RBM28: variants seen among roughly 807,000 people sequenced by gnomAD.
RBM28 encodes RNA-binding protein 28.
Under a neutral mutation model 98.3 loss-of-function variants are expected in RBM28, and 78 were observed. The ratio of observed to expected loss-of-function variants is 0.79; its 90% CI spans 0.66 to 0.96. The LOEUF (loss-of-function observed/expected upper bound fraction) is 0.96, where lower values mean the gene tolerates loss of function less well. Ranked by LOEUF, RBM28 falls within the 40% of genes least tolerant of loss-of-function variation. The pLI is 0.00. For synonymous variants in RBM28, 306 were observed against 330.9 expected, an observed-to-expected ratio of 0.92 and a Z score of 0.82; for missense variants, 838 against 913.0, an observed-to-expected ratio of 0.92 and a Z score of 1.06.
At chr7:128,330,415 T>TCTG (rs888672386) in intron 10 of RBM28, among the ~76,000 whole-genome samples, 1 of 139,472 alleles carries the variant, frequency 7.2e-6, no homozygotes, top group African/African-American at 2.7e-5. Flanking sequence ...AGAGTCTTGC[T>TCTG]CTGTGGCTCA....
chr7:128,323,644 C>G, intron 12 of RBM28, 53 bp from the exon 13 acceptor site: 1 of 1,589,462 alleles, frequency 6.3e-7, no homozygotes, highest in Non-Finnish European at 8.6e-7. Context: ...TTTCACTGAG[C>G]AACAAGAGGA....
At chr7:128,317,614 G>C in intron 16 of RBM28, 45 bp downstream of exon 16, 1 of 1,403,038 alleles carries the variant, frequency 7.1e-7, no homozygotes, top group Non-Finnish European at 1.0e-6. Flanking sequence ...GAACAAAATA[G>C]AAGAGTTTAT....
At chr7:128,332,068 C>A (rs1042234829) in intron 9 of RBM28, among the ~76,000 whole-genome samples, 1 of 152,168 alleles carries the variant, frequency 6.6e-6, no homozygotes, top group Admixed American at 6.5e-5. Context: ...CAGGCTTCTT[C>A]TTCACTGTGA....
At position 128,310,752 on chromosome 7, in the gene RBM28, C is replaced by T; in HGVS notation, c.*45G>A. The T allele has an allele frequency of 6.2e-7, 1 of 1,611,340 alleles. No individual in the cohort carries two copies. Among genetic ancestry groups the T allele is most frequent in the Non-Finnish European group, 8.5e-7 (1 of 1,179,290 alleles). The stretch of plus-strand genomic sequence containing the variant: ...GATGGGGAGGAGCCCAGGAGTGTCA[C>T]CAGAAAGTACACAACCCAGCTTCTT... On this transcript the variant is annotated 3_prime_UTR_variant, in exon 19 of 19. Transcript: ENST00000223073.
chr7:128,312,672 G>A (rs945946167), intron 18 of RBM28, among the ~76,000 whole-genome samples: 3 of 152,210 alleles, frequency 2.0e-5, no homozygotes, highest in African/African-American at 4.8e-5. Flanking sequence ...TTTGGATCCC[G>A]ACTCATACTA....
Position 128,321,355 on chromosome 7 carries a change from G to A in RBM28, c.1474C>T (p.His492Tyr). 6.2e-7 allele frequency: 1 copy of A among 1,614,210 alleles called. No homozygotes were observed. The highest frequency in any genetic ancestry group is 8.5e-7 in the Non-Finnish European group (1 of 1,180,032). Residue 492 changes from histidine to tyrosine, a missense_variant, in exon 14 of 19, where the codon CAC (histidine) becomes TAC (tyrosine). Coordinates refer to ENST00000223073, the MANE Select transcript of RBM28 (RefSeq NM_018077.3). Reference sequence around the variant, plus strand: ...TCATCTACAGCCTTTGGGAGATTGTGCAGGCAGAGCCTGGTTCGGGAGACA... The same window carrying A: ...TCATCTACAGCCTTTGGGAGATTGTACAGGCAGAGCCTGGTTCGGGAGACA... Reference protein sequence around the residue: ...IFVSRTRLCLHNLPKAVDDKQ... With the variant: ...IFVSRTRLCLYNLPKAVDDKQ...
chr7:128,322,649 A>G (rs1327729196), intron 13 of RBM28, among the ~76,000 whole-genome samples: 1 of 152,230 alleles, frequency 6.6e-6, no homozygotes, highest in Non-Finnish European at 1.5e-5. Flanking sequence ...AATTAGTTTT[A>G]AATTAAATAT....
rs1375874817 is a variant in RBM28, at chr7:128,324,636, T to TC, written c.1261dup (p.Asp421GlyfsTer2). On this transcript the variant is annotated frameshift_variant, in exon 12 of 19. Transcript: ENST00000223073. LOFTEE classifies it high-confidence loss of function. The stretch of plus-strand genomic sequence containing the variant: ...CGTCGTCTGAAGCTTTGCAGCCTCA[T>TC]CACGGGTCACCGCCAAGTCAACCTT... The TC allele has an allele frequency of 1.2e-6, 2 of 1,614,180 alleles. No individual in the cohort carries two copies. Among genetic ancestry groups the TC allele is most frequent in the Non-Finnish European group, 1.7e-6 (2 of 1,180,040 alleles).
At chr7:128,333,633 C>T (rs938361545) in intron 8 of RBM28, among the ~76,000 whole-genome samples, 2 of 152,006 alleles carry the variant, frequency 1.3e-5, no homozygotes, top group Non-Finnish European at 2.9e-5. Flanking sequence ...CAGGAGAATC[C>T]CTTGAACCTG....
In RBM28 at chr7:128,335,663, C is replaced by A; in HGVS notation, c.826G>T (p.Ala276Ser). 6.2e-7 allele frequency: 1 copy of A among 1,614,180 alleles called. No individual in the cohort carries two copies. The highest frequency in any genetic ancestry group is 8.5e-7 in the Non-Finnish European group (1 of 1,180,036). The change falls in exon 8 of 19, where the codon GCC becomes TCC. Residue 276 changes from alanine (A) to serine (S), a missense_variant. Coordinates refer to ENST00000223073, the MANE Select transcript of RBM28 (RefSeq NM_018077.3). ...QIQKRAVKRP[A>S]PAKSSDHSEE... ...GAATGATCACTGCTTTTTGCAGGGG[C>A]TGGTCTCTTGACTGCTCTGCAATGG... is the stretch of plus-strand genomic sequence containing the variant.
intron 6 of RBM28, 127 bp downstream of exon 6, chr7:128,337,004 G>A (rs767894723): frequency 6.0e-6 from 6 of 1,004,144 alleles, no homozygotes; most frequent in Non-Finnish European, 9.4e-6. Flanking sequence ...CAAAGTGCTG[G>A]AATTACAGGC....
Position 128,314,875 on chromosome 7 carries a change from G to A in RBM28, c.1934C>T (p.Thr645Ile). The A allele has an allele frequency of 1.2e-6, 2 of 1,614,144 alleles. No homozygotes were observed. Among genetic ancestry groups the A allele is most frequent in the East Asian group, 2.2e-5 (1 of 44,884 alleles). ...PPEQKRKAGS[T>I]SWTGFQTKAE... ...CTTGGTCTGGAACCCGGTCCATGAG[G>A]TAGAGCCCGCCTTTCTCTTCTGCTC... Residue 645 changes from threonine to isoleucine, a missense_variant, in exon 17 of 19, where the codon ACC (threonine) becomes ATC (isoleucine). Thr to Ile is a moderately conservative substitution (Grantham distance 89). Transcript: ENST00000223073.
chr7:128,340,031 T>C (rs541489258), intron 1 of RBM28, among the ~76,000 whole-genome samples: 2 of 152,300 alleles, frequency 1.3e-5, no homozygotes, highest in African/African-American at 2.4e-5. Context: ...TTAGTGTCTT[T>C]GCTGTTAGCT....
chr7:128,339,206 T>C (rs982158598), intron 3 of RBM28, 21 bp downstream of exon 3: 1 of 1,569,472 alleles, frequency 6.4e-7, no homozygotes, highest in Admixed American at 1.7e-5. Context: ...ACATGCAATG[T>C]TCATTTTCTC....
chr7:128,324,531 G>T, intron 12 of RBM28, 28 bp downstream of exon 12: 1 of 1,614,122 alleles, frequency 6.2e-7, no homozygotes, highest in South Asian at 1.1e-5. Context: ...CAGGTACTTA[G>T]AAGTGTGGGT....
At chr7:128,341,449 T>C (rs534402475) in intron 1 of RBM28, among the ~76,000 whole-genome samples, 1 of 152,360 alleles carries the variant, frequency 6.6e-6, no homozygotes, top group South Asian at 2.1e-4. Flanking sequence ...CACATACATT[T>C]AGAGTCCCTG....
Position 128,326,686 on chromosome 7 carries a change from CATT to C in RBM28, c.1130-798_1130-796del, listed in dbSNP as rs907042743. ...TGAACTTTGCAGAATGTATCCCCAT[CATT>C]AAGTGACGCATATTGCACTATGACA... On this transcript the variant is annotated intron_variant, in intron 10 of 18. Coordinates refer to ENST00000223073, the MANE Select transcript of RBM28 (RefSeq NM_018077.3). Among the ~76,000 whole-genome samples the C allele has an allele frequency of 3.3e-5, 5 of 152,298 alleles. 1 individual carries two copies. Among genetic ancestry groups the C allele is most frequent in the African/African-American group, 9.6e-5 (4 of 41,566 alleles).
Position 128,323,445 on chromosome 7 carries a change from G to A in RBM28, c.1404+82C>T, listed in dbSNP as rs113268614. On this transcript the variant is annotated intron_variant, in intron 13 of 18. Transcript: ENST00000223073. ...CTGTGACCATACTGGGCTCTTTGAT[G>A]AGCACATCTAGCATTCGATAACTAT... 7 of 1,517,206 alleles carry A rather than the reference G, an allele frequency of 4.6e-6. No individual in the cohort carries two copies. In the African/African-American group the frequency reaches 5.5e-5, roughly 12 times the overall value. The allele number at this position is 1,517,206 out of a possible 1,614,324, so 94.0% of individuals were successfully genotyped here.
chr7:128,317,615 A>G (rs2116331008), intron 16 of RBM28, 44 bp downstream of exon 16: 1 of 1,405,174 alleles, frequency 7.1e-7, no homozygotes. Flanking sequence ...AACAAAATAG[A>G]AGAGTTTATG....
Sources: gnomAD v4.1 joint callset for allele counts (sites outside exome capture counted in the v4.1 genomes callset) on GRCh38, gnomAD v4.1.1 for gene constraint, MANE v1.5 for transcripts, NCBI Gene and HGNC (gene_info 2026-07-23, HGNC 2026-07-21) for gene names.